PRKCE: variants seen among roughly 807,000 people sequenced by gnomAD.
PRKCE encodes protein kinase C epsilon type.
In PRKCE, 16 loss-of-function variants were observed where a neutral mutation model predicts 85.4. The ratio of observed to expected loss-of-function variants is 0.19; its 90% CI spans 0.13 to 0.28. PRKCE has a LOEUF of 0.28. Ranked by LOEUF, PRKCE falls within the 10% of genes least tolerant of loss-of-function variation. PRKCE has a pLI of 1.00. For synonymous variants in PRKCE, 388 were observed against 371.5 expected, an observed-to-expected ratio of 1.04 and a Z score of -0.51; for missense variants, 573 against 975.2, an observed-to-expected ratio of 0.59 and a Z score of 5.49.
At chr2:45,894,854 T>G (rs541473185) in intron 2 of PRKCE, among the ~76,000 whole-genome samples, 1 of 152,078 alleles carries the variant, frequency 6.6e-6, no homozygotes, top group South Asian at 2.1e-4. Context: ...TCCCGAGTAG[T>G]TGGGATTACA....
chr2:45,664,339 C>A (rs937211336), intron 1 of PRKCE, among the ~76,000 whole-genome samples: 6 of 152,126 alleles, frequency 3.9e-5, no homozygotes, highest in Non-Finnish European at 8.8e-5. Context: ...CCTATATGTA[C>A]CAGTCTCCTC....
At chr2:45,962,106 G>A (rs550803327) in intron 2 of PRKCE, among the ~76,000 whole-genome samples, 1 of 152,310 alleles carries the variant, frequency 6.6e-6, no homozygotes, top group East Asian at 1.9e-4. Context: ...GGTGACTAGC[G>A]TATGCAGGGC....
intron 11 of PRKCE, among the ~76,000 whole-genome samples, chr2:46,107,395 C>A (rs1376232892): frequency 1.3e-5 from 2 of 152,190 alleles, no homozygotes; most frequent in Admixed American, 6.5e-5. Flanking sequence ...GTAATCCCAG[C>A]ACTTTGGGAG....
At chr2:45,789,885 G>A (rs982053867) in intron 1 of PRKCE, among the ~76,000 whole-genome samples, 1 of 152,188 alleles carries the variant, frequency 6.6e-6, no homozygotes, top group Non-Finnish European at 1.5e-5. Flanking sequence ...GAAAACTTGT[G>A]TCTTTAGATT....
At chr2:46,024,239 G>A (rs1452687285) in intron 10 of PRKCE, among the ~76,000 whole-genome samples, 2 of 152,086 alleles carry the variant, frequency 1.3e-5, no homozygotes, top group Non-Finnish European at 2.9e-5. Flanking sequence ...GGTATTCCAG[G>A]CAATCTGAGT....
intron 1 of PRKCE, among the ~76,000 whole-genome samples, chr2:45,806,938 A>C (rs1027305381): frequency 6.6e-6 from 1 of 152,084 alleles, no homozygotes; most frequent in Non-Finnish European, 1.5e-5. Context: ...GCCCCTGAGG[A>C]TGTTTTGCCT....
intron 2 of PRKCE, among the ~76,000 whole-genome samples, chr2:45,875,114 G>T (rs1447125620): frequency 1.3e-5 from 2 of 152,178 alleles, no homozygotes; most frequent in African/African-American, 4.8e-5. Flanking sequence ...CAGGAATAGA[G>T]GTTGTGAATG....
In PRKCE at chr2:46,004,602, C is replaced by G. The variant is rs747771090; in HGVS notation, c.1027C>G (p.Arg343Gly). The G allele has an allele frequency of 6.3e-7, 1 of 1,591,138 alleles. No homozygotes were observed. Among genetic ancestry groups the G allele is most frequent in the Non-Finnish European group, 8.5e-7 (1 of 1,175,992 alleles). ...ASGSSPSEED[R>G]SKSAPTSPCD... ...TGGAAGCTCACCATCTGAGGAAGATCGATCCAAGTCAGCACCCACCTCCCC... is the reference window on the plus strand; with the variant it reads ...TGGAAGCTCACCATCTGAGGAAGATGGATCCAAGTCAGCACCCACCTCCCC... Residue 343 changes from arginine to glycine, a missense_variant, in exon 8 of 15, where the codon CGA (arginine) becomes GGA (glycine). This residue lies in a region of PRKCE where 117 missense variants were observed against 104.8 expected (regional missense o/e 1.12). Transcript: ENST00000306156. This position sits in a 1 kb window ranked among gnomAD's most constrained non-coding sequence, Gnocchi z 4.1.
At chr2:45,974,228 G>A (rs772669659) in intron 2 of PRKCE, among the ~76,000 whole-genome samples, 13 of 152,304 alleles carry the variant, frequency 8.5e-5, no homozygotes, top group South Asian at 2.1e-4. Context: ...TGGCAGCACC[G>A]AATGGTGATT....
chr2:46,005,265 T>C (rs1370495491), intron 8 of PRKCE, among the ~76,000 whole-genome samples: 1 of 152,104 alleles, frequency 6.6e-6, no homozygotes, highest in Non-Finnish European at 1.5e-5. Context: ...CAGACATAAT[T>C]TGCACAATAA....
At position 46,086,289 on chromosome 2, in the gene PRKCE, C is replaced by A. The variant is rs773271544; in HGVS notation, c.1519C>A (p.Pro507Thr). Reference protein sequence around the residue: ...QIQRSRKFDEPRSRFYAAEVT... With the variant: ...QIQRSRKFDETRSRFYAAEVT... The stretch of plus-strand genomic sequence containing the variant: ...TCAGCGCTCCCGAAAATTCGACGAG[C>A]CTCGTTCACGGTTCTATGCTGCAGA... Residue 507 changes from proline to threonine, a missense_variant, in exon 11 of 15, where the codon CCT (proline) becomes ACT (threonine). Pro to Thr is a conservative substitution (Grantham distance 38). Transcript: ENST00000306156. 20 of 1,599,610 alleles carry A rather than the reference C, an allele frequency of 1.3e-5. No homozygotes were observed. The highest frequency in any genetic ancestry group is 1.6e-5 in the Non-Finnish European group (19 of 1,179,962).
At chr2:45,663,148 G>A (rs773125246) in intron 1 of PRKCE, among the ~76,000 whole-genome samples, 10 of 152,166 alleles carry the variant, frequency 6.6e-5, no homozygotes, top group African/African-American at 2.2e-4. Context: ...ATGGTCTATC[G>A]CAAAGCGAGT....
intron 6 of PRKCE, among the ~76,000 whole-genome samples, chr2:45,994,869 C>T (rs1260809149): frequency 2.0e-5 from 3 of 152,196 alleles, no homozygotes; most frequent in Non-Finnish European, 4.4e-5. Flanking sequence ...CAAACTGTCT[C>T]TCAAAGTGGC....
intron 10 of PRKCE, among the ~76,000 whole-genome samples, chr2:46,032,798 A>T (rs1707619500): frequency 6.6e-6 from 1 of 152,206 alleles, no homozygotes; most frequent in Non-Finnish European, 1.5e-5. Context: ...TCATGGGTAA[A>T]GTTTATCTTC....
intron 10 of PRKCE, among the ~76,000 whole-genome samples, chr2:46,053,960 G>A (rs562410090): frequency 3.5e-4 from 54 of 152,272 alleles, no homozygotes; most frequent in Non-Finnish European, 6.6e-4. Context: ...CACCGCAGCT[G>A]TACCATTTGA....
Position 46,004,490 on chromosome 2 carries a change from A to T in PRKCE, c.967-52A>T. The T allele has an allele frequency of 7.0e-7, 1 of 1,420,708 alleles. No homozygotes were observed. The highest frequency in any genetic ancestry group is 9.6e-7 in the Non-Finnish European group (1 of 1,040,486). The allele number at this position is 1,420,708 out of a possible 1,614,324, so 88.0% of individuals were successfully genotyped here. ...ATCTTGATGCTTTTGACATCAGAAAACTCTCAACCCTCCCTTCTGATGCCT... is the reference window on the plus strand; with the variant it reads ...ATCTTGATGCTTTTGACATCAGAAATCTCTCAACCCTCCCTTCTGATGCCT... On this transcript the variant is annotated intron_variant, in intron 7 of 14. Coordinates refer to ENST00000306156, the MANE Select transcript of PRKCE (RefSeq NM_005400.3). This position sits in a 1 kb window ranked among gnomAD's most constrained non-coding sequence, Gnocchi z 4.1.
intron 1 of PRKCE, among the ~76,000 whole-genome samples, chr2:45,836,774 G>A (rs1463938043): frequency 6.6e-6 from 1 of 152,236 alleles, no homozygotes; most frequent in Non-Finnish European, 1.5e-5. Context: ...AGACACAGCA[G>A]TAGATTATCT....
intron 14 of PRKCE, among the ~76,000 whole-genome samples, chr2:46,176,273 A>G (rs1679419606): frequency 6.6e-6 from 1 of 152,262 alleles, no homozygotes; most frequent in African/African-American, 2.4e-5. Context: ...ATCCCAAAGC[A>G]GTTCAACAGA....
chr2:45,974,185 A>T (rs531955411), intron 2 of PRKCE, among the ~76,000 whole-genome samples: 176 of 152,344 alleles, frequency 1.2e-3, no homozygotes, highest in Non-Finnish European at 1.5e-3. Flanking sequence ...ACACATTGTG[A>T]AAGTATGAAG....
Sources: allele counts gnomAD v4.1 joint callset (sites outside exome capture counted in the v4.1 genomes callset), GRCh38; gene constraint gnomAD v4.1.1; regional missense constraint gnomAD v4.1.1; non-coding constraint Gnocchi (gnomAD v3.1); transcripts MANE v1.5; gene names NCBI Gene and HGNC (gene_info 2026-07-23, HGNC 2026-07-21).